The following TARS3 variants were observed in gnomAD, a reference collection of about 807,000 sequenced individuals.
TARS3 encodes the protein threonyl-tRNA synthetase 3, also known as threonine--tRNA ligase 2, cytoplasmic.
In TARS3, 94 loss-of-function variants were observed where a neutral mutation model predicts 103.5. That is an observed-to-expected ratio of 0.91 (90% CI 0.77 to 1.08). The LOEUF (loss-of-function observed/expected upper bound fraction) is 1.08, where lower values mean the gene tolerates loss of function less well. Among genes scored for constraint, TARS3 ranks in the 50% least tolerant of loss-of-function variants. The probability of loss-of-function intolerance (pLI) is 0.00; values close to 1 mark genes in which losing one functional copy is unlikely to be tolerated. For missense variants in TARS3, 952 were observed against 995.2 expected, an observed-to-expected ratio of 0.96 and a Z score of 0.58; for synonymous variants, 416 against 355.4, an observed-to-expected ratio of 1.17 and a Z score of -1.92.
intron 15 of TARS3, among the ~76,000 whole-genome samples, chr15:101,663,399 C>T (rs1250116729): frequency 6.6e-6 from 1 of 152,188 alleles, no homozygotes; most frequent in Non-Finnish European, 1.5e-5. Flanking sequence ...AATAGGCTAT[C>T]CCATACAGCT....
Position 101,701,214 on chromosome 15 carries a change from T to C in TARS3, c.1222-30A>G, listed in dbSNP as rs368614159. 1.5e-5 allele frequency: 21 copies of C among 1,381,406 alleles called. No individual in the cohort carries two copies. In the African/African-American group the frequency reaches 2.2e-4, roughly 14 times the overall value. The allele number at this position is 1,381,406 out of a possible 1,614,324, so 85.6% of individuals were successfully genotyped here. A position where few individuals can be genotyped will look rare whatever the true frequency, so the allele number is the denominator to read the frequency against. ...ATTGAAACAAAAATTGCATTTCAAA[T>C]GTCATCTGCTATTGCTTAATATTTA... is the stretch of plus-strand genomic sequence containing the variant. On this transcript the variant is annotated intron_variant, in intron 9 of 18. Coordinates refer to ENST00000335968, the MANE Select transcript of TARS3 (RefSeq NM_152334.3).
chr15:101,714,605 CAAAA>C (rs35014693), intron 4 of TARS3: 28 of 77,738 alleles, frequency 3.6e-4, no homozygotes, highest in South Asian at 3.2e-3. Context: ...GACTCCATCT[CAAAA>C]AAAAAAAAAA....
intron 12 of TARS3, among the ~76,000 whole-genome samples, chr15:101,677,743 C>G (rs1898089836): frequency 6.6e-6 from 1 of 152,004 alleles, no homozygotes; most frequent in Non-Finnish European, 1.5e-5. Context: ...GGTGATCCAC[C>G]CACCTCAGCC....
rs1456065731 is a variant in TARS3, at chr15:101,713,344, C to T, written c.691-1343G>A. 2.0e-5 allele frequency among the ~76,000 whole-genome samples: 3 copies of T among 152,084 alleles called. No individual in the cohort carries two copies. In the East Asian group the frequency reaches 5.8e-4, roughly 29 times the overall value. On this transcript the variant is annotated intron_variant, in intron 4 of 18. Transcript: ENST00000335968. Reference sequence around the variant, plus strand: ...AGGAAGGGCCAGAGACCATGCAGGCCTTGGGGAGGAGCTTGCATTTTACTC... The same window carrying T: ...AGGAAGGGCCAGAGACCATGCAGGCTTTGGGGAGGAGCTTGCATTTTACTC...
At chr15:101,680,717 T>C (rs182948192) in intron 12 of TARS3, among the ~76,000 whole-genome samples, 1 of 152,352 alleles carries the variant, frequency 6.6e-6, no homozygotes, top group East Asian at 1.9e-4. Context: ...TTATTTGATA[T>C]ATGCCTCACA....
At chr15:101,699,922 G>C (rs889201781) in intron 10 of TARS3, among the ~76,000 whole-genome samples, 1 of 152,170 alleles carries the variant, frequency 6.6e-6, no homozygotes, top group Non-Finnish European at 1.5e-5. Context: ...AAGAGACTCA[G>C]CATAGGAAGA....
intron 13 of TARS3, among the ~76,000 whole-genome samples, chr15:101,672,155 T>C (rs1897833722): frequency 6.6e-6 from 1 of 152,138 alleles, no homozygotes; most frequent in Non-Finnish European, 1.5e-5. Flanking sequence ...ACTCTGAGTC[T>C]GGGTGGGTAA....
At chr15:101,656,507 T>G (rs1485937117) in intron 18 of TARS3, among the ~76,000 whole-genome samples, 1 of 152,236 alleles carries the variant, frequency 6.6e-6, no homozygotes, top group Non-Finnish European at 1.5e-5. Flanking sequence ...TCTTTTCCTT[T>G]AGATCATTTT....
chr15:101,712,050 G>A, intron 4 of TARS3, 49 bp from the exon 5 acceptor site: 1 of 1,564,394 alleles, frequency 6.4e-7, no homozygotes, highest in Non-Finnish European at 8.7e-7. Context: ...GTATGTCATG[G>A]AAAATTAGTA....
chr15:101,657,146 C>A (rs2141377546), intron 17 of TARS3, 110 bp from the exon 18 acceptor site: 1 of 676,578 alleles, frequency 1.5e-6, no homozygotes, highest in African/African-American at 1.8e-5. Context: ...TCCCTGCTCA[C>A]TATACCAGAG....
chr15:101,657,824 G>A lies in TARS3; in HGVS notation c.2106C>T (p.Val702=), dbSNP rs1596278047. The change falls in exon 17 of 19, where the codon GTC becomes GTT. Residue 702 remains valine (V), a synonymous_variant. Transcript: ENST00000335968. The stretch of plus-strand genomic sequence containing the variant: ...TTTCACAAGTTGGCCCCACAGGGAT[G>A]ACCATCACCTGACGAGGAGATAGCC... ...PFWLSPRQVM[V]IPVGPTCEKY... 3 of 1,609,388 alleles carry A rather than the reference G, an allele frequency of 1.9e-6. No individual in the cohort carries two copies. The highest frequency in any genetic ancestry group is 1.7e-4 in the Middle Eastern group (1 of 6,052).
At chr15:101,676,487 A>G (rs1898030829) in intron 12 of TARS3, among the ~76,000 whole-genome samples, 1 of 152,016 alleles carries the variant, frequency 6.6e-6, no homozygotes, top group African/African-American at 2.4e-5. Context: ...CATTAACTGC[A>G]ATGGCTAGTT....
chr15:101,657,930 C>A, intron 16 of TARS3, 73 bp from the exon 17 acceptor site: 4 of 989,970 alleles, frequency 4.0e-6, no homozygotes, highest in Non-Finnish European at 4.4e-6. Context: ...TTCAAATAAC[C>A]AAAGATTCTT....
In TARS3 at chr15:101,673,728, T is replaced by G. The variant is rs967716710; in HGVS notation, c.1788+1872A>C. On this transcript the variant is annotated intron_variant, in intron 13 of 18. Coordinates refer to ENST00000335968, the MANE Select transcript of TARS3 (RefSeq NM_152334.3). The stretch of plus-strand genomic sequence containing the variant: ...AGATAGGCTATCTCATTTGGCCCTC[T>G]TTGTCCATGCAGTGGATGTGGAAGA... Among the ~76,000 whole-genome samples the G allele has an allele frequency of 2.6e-5, 4 of 152,264 alleles. No individual in the cohort carries two copies. In the South Asian group the frequency reaches 8.3e-4, roughly 32 times the overall value.
At position 101,657,816 on chromosome 15, in the gene TARS3, A is replaced by G; in HGVS notation, c.2114T>C (p.Val705Ala). Residue 705 changes from valine to alanine, a missense_variant, in exon 17 of 19, where the codon GTG (valine) becomes GCG (alanine). Transcript: ENST00000335968. The stretch of plus-strand genomic sequence containing the variant: ...TGCATATTTTTCACAAGTTGGCCCC[A>G]CAGGGATGACCATCACCTGACGAGG... ...LSPRQVMVIP[V>A]GPTCEKYALQ... 1 of 1,610,184 alleles carries G rather than the reference A, an allele frequency of 6.2e-7. No individual in the cohort carries two copies. Among genetic ancestry groups the G allele is most frequent in the South Asian group, 1.1e-5 (1 of 90,312 alleles).
At chr15:101,709,381 C>T (rs1419705999) in intron 5 of TARS3, among the ~76,000 whole-genome samples, 1 of 152,212 alleles carries the variant, frequency 6.6e-6, no homozygotes, top group Non-Finnish European at 1.5e-5. Flanking sequence ...TCCTTTCAGT[C>T]ACCCCCTGGT....
At chr15:101,703,056 C>T (rs1160477886) in intron 8 of TARS3, among the ~76,000 whole-genome samples, 1 of 152,176 alleles carries the variant, frequency 6.6e-6, no homozygotes, top group Non-Finnish European at 1.5e-5. Flanking sequence ...TGATTAAGAA[C>T]AGTGCCATTA....
At chr15:101,664,837 C>T (rs1897515475) in intron 15 of TARS3, among the ~76,000 whole-genome samples, 1 of 152,120 alleles carries the variant, frequency 6.6e-6, no homozygotes, top group Non-Finnish European at 1.5e-5. Context: ...TAGAAATAGC[C>T]ATTATAACTG....
chr15:101,704,376 C>T (rs903248581), intron 7 of TARS3, among the ~76,000 whole-genome samples: 2 of 152,174 alleles, frequency 1.3e-5, no homozygotes, highest in African/African-American at 2.4e-5. Flanking sequence ...GTCACAGGGC[C>T]GGGTGTGGTG....
Sources: gnomAD v4.1 joint callset for allele counts (sites outside exome capture counted in the v4.1 genomes callset) on GRCh38, gnomAD v4.1.1 for gene constraint, MANE v1.5 for transcripts, NCBI Gene and HGNC (gene_info 2026-07-23, HGNC 2026-07-21) for gene names.